The following YBX1 variants were observed in gnomAD, a reference collection of about 807,000 sequenced individuals.
The protein encoded by YBX1 is Y-box binding protein 1.
In YBX1, 3 loss-of-function variants were observed where a neutral mutation model predicts 41.4. The ratio of observed to expected loss-of-function variants is 0.07; its 90% CI spans 0.03 to 0.19. YBX1 has a LOEUF of 0.19. Among genes scored for constraint, YBX1 ranks in the 10% least tolerant of loss-of-function variants. The probability of loss-of-function intolerance (pLI) is 1.00; values close to 1 mark genes in which losing one functional copy is unlikely to be tolerated. For missense variants in YBX1, 274 were observed against 462.8 expected (o/e 0.59, Z 3.74); for synonymous variants, 133 against 165.8 (o/e 0.80, Z 1.52).
Position 42,696,522 on chromosome 1 carries a change from C to CGGGGGG in YBX1, c.355-120_355-119insGGGGGG. ...GGTCACGCAGTTGCGCCCCCCCCCC[C>CGGGGGG]TTTTTTTTCCTTAACTTTGTTGTTT... On this transcript the variant is annotated intron_variant, in intron 4 of 7. Coordinates refer to ENST00000321358, the MANE Select transcript of YBX1 (RefSeq NM_004559.5). This position sits in a 1 kb window ranked among gnomAD's most constrained non-coding sequence, Gnocchi z 5.7. 10 of 637,530 alleles carry CGGGGGG rather than the reference C, an allele frequency of 1.6e-5. No individual in the cohort carries two copies. Among genetic ancestry groups the CGGGGGG allele is most frequent in the Non-Finnish European group, 1.7e-5 (7 of 420,656 alleles). The allele number at this position is 637,530 out of a possible 1,614,324, so 39.5% of individuals were successfully genotyped here.
chr1:42,702,617 C>T lies in YBX1; in HGVS notation c.*668C>T, dbSNP rs1251164336. On this transcript the variant is annotated 3_prime_UTR_variant, in exon 8 of 8. Transcript: ENST00000321358. ...ACTTGAGTGTAGATTTTGGGTGGGT[C>T]CCTTTGGCTGTGAGGCATTGTTTAA... Among the ~76,000 whole-genome samples the T allele has an allele frequency of 6.6e-6, 1 of 150,720 alleles. No individual in the cohort carries two copies. Among genetic ancestry groups the T allele is most frequent in the Admixed American group, 6.6e-5 (1 of 15,118 alleles).
Position 42,696,257 on chromosome 1 carries a change from C to G in YBX1, c.323C>G (p.Thr108Ser). Residue 108 changes from threonine (T) to serine (S), a missense_variant, in exon 4 of 8, where the codon ACT becomes AGT. Thr to Ser is a moderately conservative substitution (Grantham distance 58, BLOSUM62 1). Around this residue, in one of 3 missense-constraint regions of YBX1, gnomAD observed 187 missense variants for 306.3 expected, o/e 0.61. Coordinates refer to ENST00000321358, the MANE Select transcript of YBX1 (RefSeq NM_004559.5). This position sits in a 1 kb window ranked among gnomAD's most constrained non-coding sequence, Gnocchi z 5.7. ...KYLRSVGDGE[T>S]VEFDVVEGEK... Reference sequence around the variant, plus strand: ...CTTCGCAGTGTAGGAGATGGAGAGACTGTGGAGTTTGATGTTGTTGAAGGA... The same window carrying G: ...CTTCGCAGTGTAGGAGATGGAGAGAGTGTGGAGTTTGATGTTGTTGAAGGA... The G allele has an allele frequency of 6.2e-7, 1 of 1,613,204 alleles. No individual in the cohort carries two copies. Among genetic ancestry groups the G allele is most frequent in the South Asian group, 1.1e-5 (1 of 90,960 alleles).
At chr1:42,684,680 T>C (rs1208912798) in intron 2 of YBX1, among the ~76,000 whole-genome samples, 1 of 152,250 alleles carries the variant, frequency 6.6e-6, no homozygotes, top group Non-Finnish European at 1.5e-5. Context: ...CATCTTGTTA[T>C]ATACTGTTTG....
In YBX1 at chr1:42,682,750, C is replaced by T. The variant is rs1650068655; in HGVS notation, c.166+19C>T. 3 of 1,201,130 alleles carry T rather than the reference C, an allele frequency of 2.5e-6. No individual in the cohort carries two copies. The highest frequency in any genetic ancestry group is 8.0e-5 in the South Asian group (2 of 25,150). 74.4% of individuals were successfully genotyped at this position (1,201,130 alleles called of 1,614,324 possible). On this transcript the variant is annotated intron_variant, in intron 1 of 7. Coordinates refer to ENST00000321358, the MANE Select transcript of YBX1 (RefSeq NM_004559.5). ...GTCATCGGTGAGGACCGGACAGGGA[C>T]GGGGGTGGGGCCCTCGGGCAGCCCA...
rs563077482 is a variant in YBX1 at position 42,703,167 on chromosome 1, G to A, written c.*1218G>A. 5.9e-5 allele frequency among the ~76,000 whole-genome samples: 9 copies of A among 152,140 alleles called. No homozygotes were observed. The highest frequency in any genetic ancestry group is 2.1e-4 in the South Asian group (1 of 4,808). Reference sequence around the variant, plus strand: ...TCTTGATCTCTTGACCTTGTGATCCGCCCGCCTCAGCCTCCCAAAGTGCTG... The same window carrying A: ...TCTTGATCTCTTGACCTTGTGATCCACCCGCCTCAGCCTCCCAAAGTGCTG... On this transcript the variant is annotated 3_prime_UTR_variant, in exon 8 of 8. Coordinates refer to ENST00000321358, the MANE Select transcript of YBX1 (RefSeq NM_004559.5).
chr1:42,687,429 G>T (rs1158367276), intron 2 of YBX1, among the ~76,000 whole-genome samples: 1 of 151,952 alleles, frequency 6.6e-6, no homozygotes, highest in Non-Finnish European at 1.5e-5. Flanking sequence ...GATTACAGGC[G>T]CCCGCCACCA....
Position 42,699,330 on chromosome 1 carries a change from G to A in YBX1, c.741-1451G>A, listed in dbSNP as rs891254082. ...GGAAGTTTGAAAAGTTTGGGGCAAA[G>A]AACCCTCTAGAACAGAAAATAGAGA... On this transcript the variant is annotated intron_variant, in intron 6 of 7. Coordinates refer to ENST00000321358, the MANE Select transcript of YBX1 (RefSeq NM_004559.5). Among the ~76,000 whole-genome samples, 2 of 152,226 alleles carry A rather than the reference G, an allele frequency of 1.3e-5. 1 individual carries two copies. The highest frequency in any genetic ancestry group is 4.1e-4 in the South Asian group (2 of 4,830).
At chr1:42,700,621 C>CCA (rs1491369511) in intron 6 of YBX1, among the ~76,000 whole-genome samples, 160 bp from the exon 7 acceptor site, 76 of 103,020 alleles carry the variant, frequency 7.4e-4, no homozygotes, top group African/African-American at 2.5e-3. Flanking sequence ...CCCCCCCCCC[C>CCA]AAAAAAAAAA....
intron 1 of YBX1, chr1:42,683,175 A>G (rs1325383293): frequency 3.0e-6 from 2 of 660,910 alleles, no homozygotes; most frequent in Non-Finnish European, 2.8e-6. Flanking sequence ...GCACACACCC[A>G]TCCTGGGGCC....
intron 2 of YBX1, 151 bp downstream of exon 2, chr1:42,683,617 T>A: frequency 1.2e-6 from 1 of 826,920 alleles, no homozygotes; most frequent in Non-Finnish European, 1.9e-6. Context: ...TTGTTGTTGT[T>A]GTTTTCCTTG....
chr1:42,683,547 C>A, intron 2 of YBX1, 81 bp downstream of exon 2: 1 of 1,516,042 alleles, frequency 6.6e-7, no homozygotes, highest in African/African-American at 1.4e-5. Flanking sequence ...CTTGGGAAGC[C>A]CCAATCCACA....
At position 42,693,574 on chromosome 1, in the gene YBX1, A is replaced by G. The variant is rs547402582; in HGVS notation, c.264+51A>G. ...CTTCTGATTCAAGGATTGTAAGAAGAAAAGGTTAGATATGTTCTCAGCTTT... is the reference window on the plus strand; with the variant it reads ...CTTCTGATTCAAGGATTGTAAGAAGGAAAGGTTAGATATGTTCTCAGCTTT... On this transcript the variant is annotated intron_variant, in intron 3 of 7. Transcript: ENST00000321358. 1.1e-5 allele frequency: 18 copies of G among 1,595,258 alleles called. No individual in the cohort carries two copies. The South Asian group carries it at 2.0e-4, about 18-fold the overall frequency.
intron 1 of YBX1, 184 bp from the exon 2 acceptor site, chr1:42,683,219 T>C: frequency 1.4e-6 from 1 of 740,656 alleles, no homozygotes; most frequent in Admixed American, 2.1e-5. Flanking sequence ...CGCCCCGCGC[T>C]TCAGACTCAC....
chr1:42,693,371 A>T, intron 2 of YBX1, 119 bp from the exon 3 acceptor site: 3 of 1,179,620 alleles, frequency 2.5e-6, no homozygotes, highest in Non-Finnish European at 2.4e-6. Flanking sequence ...GTGTTTTTTG[A>T]TTTTTGCCAA....
chr1:42,697,135 TTA>T, intron 5 of YBX1, 43 bp from the exon 6 acceptor site: 1 of 1,585,244 alleles, frequency 6.3e-7, no homozygotes, highest in Non-Finnish European at 8.6e-7. Context: ...GGTTTTTTTA[TTA>T]TATTACTGAC....
At position 42,683,387 on chromosome 1, in the gene YBX1, T is replaced by C; in HGVS notation, c.167-16T>C. 1 of 1,614,174 alleles carries C rather than the reference T, an allele frequency of 6.2e-7. No homozygotes were observed. Among genetic ancestry groups the C allele is most frequent in the Non-Finnish European group, 8.5e-7 (1 of 1,180,020 alleles). Reference sequence around the variant, plus strand: ...GCTGGTAATCGTGGCTTGTTTTGCTTTGTTTTCTTTTCCAGCAACGAAGGT... The same window carrying C: ...GCTGGTAATCGTGGCTTGTTTTGCTCTGTTTTCTTTTCCAGCAACGAAGGT... On this transcript the variant is annotated splice_polypyrimidine_tract_variant and intron_variant, in intron 1 of 7. Coordinates refer to ENST00000321358, the MANE Select transcript of YBX1 (RefSeq NM_004559.5).
chr1:42,697,899 C>G (rs1395885239), intron 6 of YBX1, among the ~76,000 whole-genome samples: 2 of 152,084 alleles, frequency 1.3e-5, no homozygotes, highest in Non-Finnish European at 2.9e-5. Flanking sequence ...AGGCAGTGTT[C>G]CCAGTCCCAC....
intron 3 of YBX1, among the ~76,000 whole-genome samples, chr1:42,695,207 A>G (rs567994864): frequency 3.9e-5 from 6 of 152,280 alleles, no homozygotes; most frequent in Non-Finnish European, 7.4e-5. Flanking sequence ...GTGGTGTATC[A>G]GGGAGACTGC....
At chr1:42,687,575 C>T (rs760548888) in intron 2 of YBX1, among the ~76,000 whole-genome samples, 5 of 152,108 alleles carry the variant, frequency 3.3e-5, no homozygotes, top group South Asian at 2.1e-4. Flanking sequence ...AGCCACTGCG[C>T]CCGGCCTCTA....
Sources: gnomAD v4.1 joint callset for allele counts (sites outside exome capture counted in the v4.1 genomes callset) on GRCh38, gnomAD v4.1.1 for gene constraint, gnomAD v4.1.1 regional missense constraint, Gnocchi (gnomAD v3.1) non-coding constraint, MANE v1.5 for transcripts, NCBI Gene and HGNC (gene_info 2026-07-23, HGNC 2026-07-21) for gene names.